Variants in COPG1 observed in about 807,000 individuals in gnomAD.
COPG1 encodes the protein coatomer subunit gamma-1.
COPG1 carries 29 observed loss-of-function variants against 102.8 expected under a neutral mutation model. The observed-to-expected ratio is 0.28, with a 90% CI of 0.21 to 0.38. The LOEUF (loss-of-function observed/expected upper bound fraction) is 0.38. Among genes scored for constraint, COPG1 ranks in the 10% least tolerant of loss-of-function variants. The pLI, the probability that COPG1 is intolerant of heterozygous loss-of-function variation, is 1.00. For missense variants in COPG1, 875 were observed against 1,132.7 expected (o/e 0.77, Z 3.27); for synonymous variants, 406 against 421.6 (o/e 0.96, Z 0.45).
At chr3:129,262,147 C>T (rs1939937743) in intron 12 of COPG1, among the ~76,000 whole-genome samples, 1 of 151,998 alleles carries the variant, frequency 6.6e-6, no homozygotes, top group Non-Finnish European at 1.5e-5. Flanking sequence ...GGCACGGTGG[C>T]TCATGCTTGT....
intron 4 of COPG1, 85 bp downstream of exon 4, chr3:129,252,779 CAGTGTG>C: frequency 1.3e-6 from 2 of 1,533,430 alleles, no homozygotes; most frequent in Non-Finnish European, 1.8e-6. Context: ...CCCCACCAGT[CAGTGTG>C]GGCTGCCTTT....
chr3:129,265,942 A>G (rs1940049137), intron 14 of COPG1, 150 bp downstream of exon 14: 1 of 756,158 alleles, frequency 1.3e-6, no homozygotes, highest in African/African-American at 1.8e-5. Context: ...AGGACCTTAC[A>G]TGTCATCTAG....
chr3:129,255,753 G>T (rs1028362137), intron 7 of COPG1, among the ~76,000 whole-genome samples: 17 of 152,156 alleles, frequency 1.1e-4, no homozygotes, highest in African/African-American at 3.9e-4. Context: ...AAAGTGCTGG[G>T]ATTACAAAGC....
At chr3:129,260,482 A>G in intron 11 of COPG1, 82 bp downstream of exon 11, 1 of 1,526,762 alleles carries the variant, frequency 6.5e-7, no homozygotes, top group Non-Finnish European at 9.0e-7. Context: ...GCTGGGAAGG[A>G]TAATAGCCCT....
intron 10 of COPG1, among the ~76,000 whole-genome samples, chr3:129,258,615 G>A (rs543716701): frequency 8.5e-5 from 13 of 152,214 alleles, no homozygotes; most frequent in Admixed American, 5.2e-4. Flanking sequence ...CCACCACCAC[G>A]CCTGGCTAAT....
At chr3:129,276,348 C>G (rs1381547994) in intron 23 of COPG1, among the ~76,000 whole-genome samples, 1 of 152,196 alleles carries the variant, frequency 6.6e-6, no homozygotes, top group Non-Finnish European at 1.5e-5. Flanking sequence ...CATTCTCCTT[C>G]CCAGATTATT....
chr3:129,277,586 A>T lies in COPG1; in HGVS notation c.*162A>T, dbSNP rs1238540366. On this transcript the variant is annotated 3_prime_UTR_variant, in exon 24 of 24. Coordinates refer to ENST00000314797, the MANE Select transcript of COPG1 (RefSeq NM_016128.4). The stretch of plus-strand genomic sequence containing the variant: ...ATTCTGCTCCCACCTCCCACCCGGG[A>T]CTACTTGCTGGTGACTTTTTTTTTT... 1.0e-5 allele frequency: 6 copies of T among 584,110 alleles called. No individual in the cohort carries two copies. The highest frequency in any genetic ancestry group is 1.4e-5 in the Non-Finnish European group (5 of 357,714). The allele number at this position is 584,110 out of a possible 1,614,324, so 36.2% of individuals were successfully genotyped here. A position where few individuals can be genotyped will look rare whatever the true frequency, so the allele number is the denominator to read the frequency against.
At chr3:129,254,892 C>A in intron 6 of COPG1, 93 bp from the exon 7 acceptor site, 1 of 1,208,658 alleles carries the variant, frequency 8.3e-7, no homozygotes, top group Non-Finnish European at 1.2e-6. Context: ...CGCTTACTTC[C>A]TCCTCATACT....
In COPG1 at chr3:129,274,803, A is replaced by G. The variant is rs73862859; in HGVS notation, c.2257-35A>G. On this transcript the variant is annotated intron_variant, in intron 21 of 23. Transcript: ENST00000314797. ...TCAGAGCAGAGGCCCGTAGGTGTGTAGATGGGTGCCTGATTTCTACCTCCA... is the reference window on the plus strand; with the variant it reads ...TCAGAGCAGAGGCCCGTAGGTGTGTGGATGGGTGCCTGATTTCTACCTCCA... 0.029 allele frequency: 46,109 copies of G among 1,612,156 alleles called. 5,291 individuals carry two copies. The African/African-American group carries it at 0.34, about 12-fold the overall frequency.
At position 129,254,756 on chromosome 3, in the gene COPG1, G is replaced by A. The variant is rs1484387706; in HGVS notation, c.399+13G>A. 24 of 1,610,444 alleles carry A rather than the reference G, an allele frequency of 1.5e-5. No individual in the cohort carries two copies. The highest frequency in any genetic ancestry group is 2.2e-5 in the East Asian group (1 of 44,850). On this transcript the variant is annotated intron_variant, in intron 6 of 23. Transcript: ENST00000314797. ...CCAGATCACTGATGTGAGTCGTGCC[G>A]GTTCCTCCCTGCTTCCTGGCCTCTT...
rs977618460 is a variant in COPG1, at chr3:129,260,747, C to T, written c.1068C>T (p.Ser356=). Residue 356 remains serine, a synonymous_variant, in exon 12 of 24, where the codon AGC becomes AGT. Coordinates refer to ENST00000314797, the MANE Select transcript of COPG1 (RefSeq NM_016128.4). ...TTLLKTGSES[S]IDRLMKQISS... Reference sequence around the variant, plus strand: ...TCCTTAAGACGGGCAGCGAGAGCAGCATCGACCGCCTCATGAAGCAGATCT... The same window carrying T: ...TCCTTAAGACGGGCAGCGAGAGCAGTATCGACCGCCTCATGAAGCAGATCT... 6.2e-7 allele frequency: 1 copy of T among 1,613,110 alleles called. No individual in the cohort carries two copies. Among genetic ancestry groups the T allele is most frequent in the Non-Finnish European group, 8.5e-7 (1 of 1,180,010 alleles).
chr3:129,277,514 A>G lies in COPG1; in HGVS notation c.*90A>G. 1 of 1,391,948 alleles carries G rather than the reference A, an allele frequency of 7.2e-7. No homozygotes were observed. Among genetic ancestry groups the G allele is most frequent in the Non-Finnish European group, 9.9e-7 (1 of 1,007,992 alleles). 86.2% of individuals were successfully genotyped at this position (1,391,948 alleles called of 1,614,324 possible). ...TGAAACTGGCAGAAACCCCTTCCCA[A>G]GCTTCTGTATTGAAAAACAATTAGG... On this transcript the variant is annotated 3_prime_UTR_variant, in exon 24 of 24. Transcript: ENST00000314797.
chr3:129,257,965 TAAGGAG>T, intron 10 of COPG1, 105 bp downstream of exon 10: 3 of 1,441,150 alleles, frequency 2.1e-6, no homozygotes, highest in Non-Finnish European at 2.8e-6. Flanking sequence ...TAACAAGTGT[TAAGGAG>T]TCTGTACCTA....
At chr3:129,260,835 G>T (rs1287536142) in intron 12 of COPG1, 28 bp downstream of exon 12, 1 of 1,606,022 alleles carries the variant, frequency 6.2e-7, no homozygotes, top group Admixed American at 1.7e-5. Context: ...GACACCCACG[G>T]CCCCCAGAGG....
chr3:129,262,615 C>G (rs1372813592), intron 12 of COPG1, among the ~76,000 whole-genome samples: 1 of 151,804 alleles, frequency 6.6e-6, no homozygotes, highest in Non-Finnish European at 1.5e-5. Context: ...CCCAGCTACT[C>G]TGGAGGCTGA....
Position 129,252,939 on chromosome 3 carries a change from A to G in COPG1, c.307A>G (p.Ile103Val), listed in dbSNP as rs1939731108. The change falls in exon 5 of 24, where the codon ATC becomes GTC. Residue 103 changes from isoleucine (I) to valine (V), a missense_variant. Transcript: ENST00000314797. ...GATGTCTTGCATTGCAGAGGATGTC[A>G]TCATTGTCACCAGCAGGCAAGTCAT... is the stretch of plus-strand genomic sequence containing the variant. The part of the protein sequence containing the change: ...KEMSCIAEDV[I>V]IVTSSLTKDM... The G allele has an allele frequency of 1.2e-6, 2 of 1,613,998 alleles. No homozygotes were observed. Among genetic ancestry groups the G allele is most frequent in the Admixed American group, 1.7e-5 (1 of 59,998 alleles).
chr3:129,250,582 A>T, intron 1 of COPG1, 100 bp from the exon 2 acceptor site: 2 of 946,486 alleles, frequency 2.1e-6, no homozygotes, highest in Non-Finnish European at 3.4e-6. Flanking sequence ...TTTGAACTTT[A>T]CTAGATTTCC....
Position 129,265,537 on chromosome 3 carries a change from T to G in COPG1, c.1225-12T>G. On this transcript the variant is annotated splice_polypyrimidine_tract_variant and intron_variant, in intron 13 of 23. Transcript: ENST00000314797. ...GAGCAGGCTCCTTGCTTAGCTCAGC[T>G]TCTCTCTGCAGGGTGGCTTTGAGTA... is the stretch of plus-strand genomic sequence containing the variant. The G allele has an allele frequency of 1.2e-6, 2 of 1,613,642 alleles. No homozygotes were observed. The highest frequency in any genetic ancestry group is 1.7e-6 in the Non-Finnish European group (2 of 1,179,576).
intron 4 of COPG1, 72 bp downstream of exon 4, chr3:129,252,766 T>G (rs1313960780): frequency 6.5e-7 from 1 of 1,548,916 alleles, no homozygotes; most frequent in African/African-American, 1.4e-5. Context: ...CAAAGAGAGC[T>G]GGCCCCACCA....
Sources: gnomAD v4.1 joint callset for allele counts (sites outside exome capture counted in the v4.1 genomes callset) on GRCh38, gnomAD v4.1.1 for gene constraint, MANE v1.5 for transcripts, NCBI Gene and HGNC (gene_info 2026-07-23, HGNC 2026-07-21) for gene names.